The following SOX6 variants were observed in gnomAD, a reference collection of about 807,000 sequenced individuals.
SOX6 encodes the protein transcription factor SOX-6.
A neutral mutation model predicts 97.8 loss-of-function variants in SOX6; 11 were observed. The observed-to-expected ratio is 0.11, with a 90% CI of 0.07 to 0.19. The LOEUF is 0.19. SOX6 is among the 10% of genes least tolerant of loss of function. The probability of loss-of-function intolerance (pLI) is 1.00; values close to 1 mark genes in which losing one functional copy is unlikely to be tolerated. For synonymous variants in SOX6, 360 were observed against 371.4 expected (o/e 0.97, Z 0.35); for missense variants, 810 against 1,039.5 (o/e 0.78, Z 3.04).
intron 3 of SOX6, among the ~76,000 whole-genome samples, chr11:16,303,021 T>G (rs985624938): frequency 2.0e-5 from 3 of 152,192 alleles, no homozygotes; most frequent in Non-Finnish European, 2.9e-5. Flanking sequence ...TTTTCTCCAC[T>G]TTTACTTCTC....
intron 2 of SOX6, among the ~76,000 whole-genome samples, chr11:16,332,993 T>A (rs1856352545): frequency 6.6e-6 from 1 of 152,202 alleles, no homozygotes; most frequent in Admixed American, 6.5e-5. Flanking sequence ...GATATATTTG[T>A]GGAGGGAACA....
intron 3 of SOX6, among the ~76,000 whole-genome samples, chr11:16,671,640 T>C (rs557063202): frequency 6.6e-5 from 10 of 151,952 alleles, no homozygotes. Context: ...CCAAGAAATA[T>C]GGAGTCACGT....
chr11:16,404,293 T>C (rs1433410384), intron 1 of SOX6, among the ~76,000 whole-genome samples: 1 of 151,920 alleles, frequency 6.6e-6, no homozygotes, highest in Non-Finnish European at 1.5e-5. Flanking sequence ...GCTAAATTAA[T>C]TAACAATCTC....
At chr11:16,483,064 T>A (rs1364185406) in intron 4 of SOX6, among the ~76,000 whole-genome samples, 1 of 152,138 alleles carries the variant, frequency 6.6e-6, no homozygotes, top group East Asian at 1.9e-4. Flanking sequence ...ACGATGAAAA[T>A]AGTTTTGACA....
chr11:16,330,920 A>C (rs1856271855), intron 2 of SOX6, among the ~76,000 whole-genome samples: 1 of 152,190 alleles, frequency 6.6e-6, no homozygotes, highest in Admixed American at 6.5e-5. Context: ...AGATAAAAAA[A>C]GAAAAAAAGG....
At chr11:16,176,685 T>C (rs1204509916) in intron 6 of SOX6, among the ~76,000 whole-genome samples, 1 of 151,910 alleles carries the variant, frequency 6.6e-6, no homozygotes, top group Non-Finnish European at 1.5e-5. Context: ...AAATTTTCTA[T>C]TTTTTCTATT....
chr11:15,990,013 G>A (rs1166576584), intron 13 of SOX6, among the ~76,000 whole-genome samples: 1 of 152,100 alleles, frequency 6.6e-6, no homozygotes, highest in African/African-American at 2.4e-5. Flanking sequence ...ATCAACAAGT[G>A]AGTGGGAGAG....
At chr11:16,385,104 A>T (rs577379252) in intron 1 of SOX6, among the ~76,000 whole-genome samples, 5 of 152,266 alleles carry the variant, frequency 3.3e-5, no homozygotes, top group Non-Finnish European at 7.4e-5. Context: ...TGTTATTATT[A>T]TCAGAAGTAA....
At chr11:16,543,839 G>C (rs948383917) in intron 4 of SOX6, among the ~76,000 whole-genome samples, 1 of 152,050 alleles carries the variant, frequency 6.6e-6, no homozygotes, top group Non-Finnish European at 1.5e-5. Flanking sequence ...TCCTCAAAAA[G>C]TTCAACAGGA....
chr11:16,704,430 G>A (rs1213497940), intron 3 of SOX6, among the ~76,000 whole-genome samples: 4 of 151,920 alleles, frequency 2.6e-5, no homozygotes, highest in African/African-American at 9.7e-5. Context: ...AAAAAAAAAA[G>A]TATGTAACCA....
intron 15 of SOX6, among the ~76,000 whole-genome samples, chr11:15,976,516 C>T (rs1009446359): frequency 1.3e-5 from 2 of 152,094 alleles, no homozygotes; most frequent in African/African-American, 4.8e-5. Context: ...AGAGAGCAAG[C>T]ATGTTCTAAG....
At chr11:16,329,844 G>C (rs776457466) in intron 2 of SOX6, among the ~76,000 whole-genome samples, 19 of 152,122 alleles carry the variant, frequency 1.2e-4, no homozygotes, top group Admixed American at 6.6e-5. Context: ...CATTTTTGGA[G>C]GGTTGTCCAA....
At chr11:16,280,335 T>C (rs1030307806) in intron 3 of SOX6, among the ~76,000 whole-genome samples, 3 of 151,710 alleles carry the variant, frequency 2.0e-5, no homozygotes, top group Non-Finnish European at 4.4e-5. Flanking sequence ...CCCACCAAAT[T>C]TGGGCTTAAA....
intron 1 of SOX6, among the ~76,000 whole-genome samples, chr11:16,415,680 T>C (rs1858911712): frequency 6.6e-6 from 1 of 152,152 alleles, no homozygotes; most frequent in Admixed American, 6.6e-5. Flanking sequence ...CCCATAAATA[T>C]GTACAATTAT....
At chr11:16,018,104 G>A (rs1834268884) in intron 12 of SOX6, among the ~76,000 whole-genome samples, 3 of 152,064 alleles carry the variant, frequency 2.0e-5, no homozygotes, top group African/African-American at 7.2e-5. Flanking sequence ...TGAGGTAGAT[G>A]TTGCATATTA....
intron 1 of SOX6, among the ~76,000 whole-genome samples, chr11:16,386,033 C>T (rs1262161929): frequency 6.6e-6 from 1 of 152,128 alleles, no homozygotes; most frequent in Non-Finnish European, 1.5e-5. Context: ...TTGAGTATGG[C>T]TCTCAAGCTC....
intron 4 of SOX6, among the ~76,000 whole-genome samples, chr11:16,204,776 A>G (rs1295326458): frequency 6.6e-6 from 1 of 152,116 alleles, no homozygotes; most frequent in African/African-American, 2.4e-5. Flanking sequence ...TCAATGTTGT[A>G]AAGAGTCAAA....
At position 16,669,062 on chromosome 11, in the gene SOX6, T is replaced by C. The variant is rs533295244; in HGVS notation, n.429+45768A>G. On this transcript the variant is annotated intron_variant and non_coding_transcript_variant, in intron 3 of 5. Transcript: ENST00000524520. ...ATGGACCAAATAGATATTTACAGAA[T>C]ATTTCATCTAATGGTTGCAGAAAAA... Among the ~76,000 whole-genome samples the C allele has an allele frequency of 3.3e-5, 5 of 152,322 alleles. No homozygotes were observed. In the East Asian group the frequency reaches 9.6e-4, roughly 29 times the overall value.
intron 4 of SOX6, among the ~76,000 whole-genome samples, chr11:16,602,950 G>A (rs1205065950): frequency 6.6e-6 from 1 of 152,138 alleles, no homozygotes; most frequent in African/African-American, 2.4e-5. Flanking sequence ...GAACCCAGGA[G>A]GCGGAGGTTA....
Sources: gnomAD v4.1 joint callset for allele counts (sites outside exome capture counted in the v4.1 genomes callset) on GRCh38, gnomAD v4.1.1 for gene constraint, MANE v1.5 for transcripts, NCBI Gene and HGNC (gene_info 2026-07-23, HGNC 2026-07-21) for gene names.